USP45: variants seen among roughly 807,000 people sequenced by gnomAD.
USP45 encodes ubiquitin carboxyl-terminal hydrolase 45.
In USP45, 89 loss-of-function variants were observed where a neutral mutation model predicts 95.8. The observed-to-expected ratio is 0.93, with a 90% CI of 0.78 to 1.11. The LOEUF is 1.11. USP45 is among the 50% of genes least tolerant of loss of function. The probability of loss-of-function intolerance (pLI) is 0.00; values close to 1 mark genes in which losing one functional copy is unlikely to be tolerated. For synonymous variants in USP45, 281 were observed against 316.2 expected, an observed-to-expected ratio of 0.89 and a Z score of 1.18; for missense variants, 898 against 942.5, an observed-to-expected ratio of 0.95 and a Z score of 0.62.
In USP45 at chr6:99,466,529, T is replaced by A; in HGVS notation, c.1107+143A>T. On this transcript the variant is annotated intron_variant, in intron 11 of 17. Coordinates refer to ENST00000500704, the MANE Select transcript of USP45 (RefSeq NM_001346022.3). ...ACATTTACTTTCTAGGAGTGTAGCG[T>A]ATAAAAAGACTTTCAAGAATCATTA... The A allele has an allele frequency of 4.5e-6, 3 of 660,040 alleles. No homozygotes were observed. In the South Asian group the frequency reaches 5.4e-5, roughly 12 times the overall value. The allele number at this position is 660,040 out of a possible 1,614,324, so 40.9% of individuals were successfully genotyped here.
intron 10 of USP45, chr6:99,468,271 C>T: frequency 2.0e-6 from 1 of 506,200 alleles, no homozygotes; most frequent in South Asian, 1.6e-5. Context: ...AACAACCTTT[C>T]AAGTTTCCCT....
chr6:99,503,045 G>A (rs1797734354), intron 5 of USP45, among the ~76,000 whole-genome samples: 1 of 152,038 alleles, frequency 6.6e-6, no homozygotes, highest in Non-Finnish European at 1.5e-5. Flanking sequence ...GACTAATACA[G>A]GTACTATGCA....
At chr6:99,454,186 A>T (rs1784511039) in intron 13 of USP45, among the ~76,000 whole-genome samples, 1 of 152,194 alleles carries the variant, frequency 6.6e-6, no homozygotes, top group East Asian at 1.9e-4. Flanking sequence ...TTTCTGACAA[A>T]GGGGCCAAGA....
rs781507006 is a variant in USP45, at chr6:99,508,644, GAAGT to G, written c.235_238del (p.Thr79LeufsTer24). 4.2e-5 allele frequency: 68 copies of G among 1,613,118 alleles called. No homozygotes were observed. Among genetic ancestry groups the G allele is most frequent in the Non-Finnish European group, 5.5e-5 (65 of 1,179,836 alleles). On this transcript the variant is annotated frameshift_variant, in exon 3 of 18. Transcript: ENST00000500704. LOFTEE classifies it high-confidence loss of function. The stretch of plus-strand genomic sequence containing the variant: ...ACACTTGAGGCACAACCAAATATCA[GAAGT>G]AAGTACTAGCTGCCCATCATAGAAT...
chr6:99,472,587 G>C (rs1023598799), intron 9 of USP45, among the ~76,000 whole-genome samples: 1 of 151,826 alleles, frequency 6.6e-6, no homozygotes, highest in Non-Finnish European at 1.5e-5. Flanking sequence ...TGCAAATCAT[G>C]GGGAAAAAAA....
intron 7 of USP45, among the ~76,000 whole-genome samples, chr6:99,487,053 T>C (rs1794081914): frequency 1.3e-5 from 2 of 152,162 alleles, no homozygotes; most frequent in African/African-American, 4.8e-5. Flanking sequence ...ATTTAGGCTC[T>C]GGTTGAATAA....
chr6:99,450,824 A>T (rs1783688496), intron 13 of USP45, among the ~76,000 whole-genome samples: 2 of 152,212 alleles, frequency 1.3e-5, no homozygotes, highest in Non-Finnish European at 1.5e-5. Context: ...CACATCAAAA[A>T]GCTTATCCAC....
intron 17 of USP45, among the ~76,000 whole-genome samples, 156 bp from the exon 18 acceptor site, chr6:99,436,002 ACTT>A (rs1780399385): frequency 6.6e-6 from 1 of 151,930 alleles, no homozygotes. Context: ...TCCAAAAAGA[ACTT>A]TTTTTTTTTT....
At chr6:99,509,685 T>C (rs1799352729) in intron 2 of USP45, among the ~76,000 whole-genome samples, 1 of 150,430 alleles carries the variant, frequency 6.6e-6, no homozygotes, top group African/African-American at 2.4e-5. Context: ...TACTTCATGT[T>C]ATAAACTAAA....
In USP45 at chr6:99,492,407, G is replaced by T. The variant is rs373587283; in HGVS notation, c.479-3587C>A. On this transcript the variant is annotated intron_variant, in intron 5 of 17. Transcript: ENST00000500704. Reference sequence around the variant, plus strand: ...AGCCACTTCACACAAGTGGCCAAGGGTCTGTTTGTTGACTTTTACATGTAA... The same window carrying T: ...AGCCACTTCACACAAGTGGCCAAGGTTCTGTTTGTTGACTTTTACATGTAA... Among the ~76,000 whole-genome samples, 93 of 152,138 alleles carry T rather than the reference G, an allele frequency of 6.1e-4. 1 individual carries two copies. The highest frequency in any genetic ancestry group is 2.1e-3 in the African/African-American group (88 of 41,486).
At chr6:99,448,329 T>C (rs1281687497) in intron 13 of USP45, among the ~76,000 whole-genome samples, 1 of 152,074 alleles carries the variant, frequency 6.6e-6, no homozygotes, top group African/African-American at 2.4e-5. Context: ...GAATAATCAG[T>C]GTAGAGAAGT....
upstream of USP45, among the ~76,000 whole-genome samples, chr6:99,516,408 G>C (rs1005994142): frequency 2.6e-5 from 4 of 152,194 alleles, no homozygotes; most frequent in Non-Finnish European, 5.9e-5. Flanking sequence ...GTGGCTTTAA[G>C]GATAAGAGCA....
chr6:99,482,753 T>A lies in USP45; in HGVS notation c.845A>T (p.Lys282Met), dbSNP rs199979551. 2 of 1,595,688 alleles carry A rather than the reference T, an allele frequency of 1.3e-6. No homozygotes were observed. The highest frequency in any genetic ancestry group is 1.7e-6 in the Non-Finnish European group (2 of 1,172,276). The stretch of plus-strand genomic sequence containing the variant: ...TTATATTAAATGTAGATGCACCCAC[T>A]TCTGACAAAGCTGATTAAAAAGAAC... ...PKVLFNQLCQ[K>M]APRFKDFQQQ... The change falls in exon 8 of 18, where the codon AAG becomes ATG. Residue 282 changes from lysine (K) to methionine (M), a missense_variant and splice_region_variant. Physicochemically the swap from Lys to Met is moderately conservative, Grantham distance 95. Coordinates refer to ENST00000500704, the MANE Select transcript of USP45 (RefSeq NM_001346022.3).
In USP45 at chr6:99,446,351, C is replaced by T. The variant is rs186547559; in HGVS notation, c.1421G>A (p.Ser474Asn). The T allele has an allele frequency of 1.2e-6, 2 of 1,614,158 alleles. No homozygotes were observed. Among genetic ancestry groups the T allele is most frequent in the Non-Finnish European group, 8.5e-7 (1 of 1,180,014 alleles). The change falls in exon 14 of 18, where the codon AGC (serine) becomes AAC (asparagine). Residue 474 changes from serine to asparagine, a missense_variant. Transcript: ENST00000500704. The part of the protein sequence containing the change: ...EMNGDSLMFA[S>N]LMNSESRLNE... ...CAGACGTGACTCAGAATTCATGAGG[C>T]TGGCAAACATTAAAGAATCCCCATT...
intron 13 of USP45, 74 bp from the exon 14 acceptor site, chr6:99,446,537 C>G: frequency 7.6e-7 from 1 of 1,311,940 alleles, no homozygotes; most frequent in Non-Finnish European, 1.0e-6. Flanking sequence ...AATTCTTAAA[C>G]ATATCATAGT....
Position 99,488,207 on chromosome 6 carries a change from G to C in USP45, c.707C>G (p.Ser236Cys). The change falls in exon 7 of 18, where the codon TCT (serine) becomes TGT (cysteine). Residue 236 changes from serine (S) to cysteine (C), a missense_variant. Ser to Cys is a moderately radical substitution (Grantham distance 112). Coordinates refer to ENST00000500704, the MANE Select transcript of USP45 (RefSeq NM_001346022.3). ...CAAACAGTTATTACTCACCAGCTGA[G>C]AGTCTGAGGAAGGAAAAATCTTGAG... ...TKLKIFPSSD[S>C]QLDPLVVELS... The C allele has an allele frequency of 6.2e-7, 1 of 1,604,764 alleles. No homozygotes were observed.
At chr6:99,488,419 G>A in intron 6 of USP45, 124 bp from the exon 7 acceptor site, 1 of 715,898 alleles carries the variant, frequency 1.4e-6, no homozygotes, top group Non-Finnish European at 2.2e-6. Context: ...TTAAGATTTA[G>A]TTGAGTACAT....
Position 99,468,606 on chromosome 6 carries a change from T to C in USP45, c.946A>G (p.Ser316Gly), listed in dbSNP as rs770078838. ...GGGTTGTTAAATGCTTTTAGAATGC[T>C]AGCTTGTATTCGCTGTAAAACAAAG... ...RTEETKRIQA[S>G]ILKAFNNPTT... Residue 316 changes from serine to glycine, a missense_variant, in exon 10 of 18, where the codon AGC (serine) becomes GGC (glycine). Transcript: ENST00000500704. 1 of 1,604,914 alleles carries C rather than the reference T, an allele frequency of 6.2e-7. No individual in the cohort carries two copies. Among genetic ancestry groups the C allele is most frequent in the South Asian group, 1.1e-5 (1 of 89,988 alleles).
In USP45 at chr6:99,433,999, A is replaced by G. The variant is rs1286527623; in HGVS notation, c.*1717T>C. The G allele has an allele frequency of 6.6e-6, 1 of 152,216 alleles. No homozygotes were observed. Among genetic ancestry groups the G allele is most frequent in the Non-Finnish European group, 1.5e-5 (1 of 68,032 alleles). 9.4% of individuals were successfully genotyped at this position (152,216 alleles called of 1,614,324 possible). On this transcript the variant is annotated 3_prime_UTR_variant, in exon 18 of 18. Coordinates refer to ENST00000500704, the MANE Select transcript of USP45 (RefSeq NM_001346022.3). ...TCACTGCTCTGGTACTGAGATCTCC[A>G]TGATAACAGATTACAGTTAAACAGA... is the stretch of plus-strand genomic sequence containing the variant.
Sources: gnomAD v4.1 joint callset for allele counts (sites outside exome capture counted in the v4.1 genomes callset) on GRCh38, gnomAD v4.1.1 for gene constraint, MANE v1.5 for transcripts, NCBI Gene and HGNC (gene_info 2026-07-23, HGNC 2026-07-21) for gene names.